Variants in FKBP11 observed in about 807,000 individuals in gnomAD.
The protein encoded by FKBP11 is peptidyl-prolyl cis-trans isomerase FKBP11.
Under a neutral mutation model 24.7 loss-of-function variants are expected in FKBP11, and 21 were observed. The observed-to-expected ratio is 0.85, with a 90% CI of 0.60 to 1.23. The LOEUF is 1.23. Ranked by LOEUF, FKBP11 falls within the 50% of genes most tolerant of loss-of-function variation. The pLI, the probability that FKBP11 is intolerant of heterozygous loss-of-function variation, is 0.00. For missense variants in FKBP11, 245 were observed against 248.7 expected, an observed-to-expected ratio of 0.99 and a Z score of 0.10; for synonymous variants, 106 against 100.6, an observed-to-expected ratio of 1.05 and a Z score of -0.32.
At chr12:48,922,693 G>A in intron 5 of FKBP11, 2 of 994,030 alleles carry the variant, frequency 2.0e-6, no homozygotes, top group Non-Finnish European at 2.4e-6. Context: ...TGAGGATGCT[G>A]CTTAAGAAGT....
upstream of FKBP11, among the ~76,000 whole-genome samples, chr12:48,930,309 A>C (rs1208620897): frequency 6.6e-6 from 1 of 152,250 alleles, no homozygotes; most frequent in Non-Finnish European, 1.5e-5. Flanking sequence ...ATGTGTCAGC[A>C]CATACATTTA....
the FKBP11 span, chr12:48,938,123 T>C: frequency 1.0e-4 from 33 of 321,746 alleles, no homozygotes; most frequent in Non-Finnish European, 1.8e-4. Context: ...TTCCCAACAG[T>C]AAGGCAGAGC....
the FKBP11 span, chr12:48,936,048 G>C: frequency 6.6e-6 from 1 of 152,218 alleles, no homozygotes; most frequent in Non-Finnish European, 1.5e-5. Context: ...GTGGCACTAA[G>C]TTCCTCCATA....
chr12:48,927,325 A>G (rs1939990786), upstream of FKBP11, among the ~76,000 whole-genome samples: 1 of 151,728 alleles, frequency 6.6e-6, no homozygotes. Flanking sequence ...AGAAGCCTTC[A>G]TTATCTCTCA....
upstream of FKBP11, among the ~76,000 whole-genome samples, chr12:48,929,947 C>A (rs1940026905): frequency 6.6e-6 from 1 of 152,200 alleles, no homozygotes; most frequent in Admixed American, 6.5e-5. Flanking sequence ...TCCAGGCATA[C>A]ACTTGTGGAC....
chr12:48,925,529 C>T (rs973192520), upstream of FKBP11: 12 of 1,390,590 alleles, frequency 8.6e-6, no homozygotes, highest in Non-Finnish European at 1.1e-5. Flanking sequence ...CTGGACGGGA[C>T]GGGGCGGGTC....
chr12:48,931,454 A>C, upstream of FKBP11: 2 of 1,536,078 alleles, frequency 1.3e-6, no homozygotes, highest in Non-Finnish European at 8.7e-7. Context: ...CCAGAGAAGG[A>C]GCTTTTTCCT....
chr12:48,938,975 A>G, the FKBP11 span: 1 of 1,612,668 alleles, frequency 6.2e-7, no homozygotes, highest in South Asian at 1.1e-5. Flanking sequence ...CTGATTGGCC[A>G]GCCAGTCCAG....
intron 5 of FKBP11, 135 bp from the exon 6 acceptor site, chr12:48,922,336 G>T: frequency 1.2e-6 from 1 of 852,988 alleles, no homozygotes; most frequent in Non-Finnish European, 1.7e-6. Flanking sequence ...ATGTGGGCTT[G>T]AATTCCTTTA....
chr12:48,928,450 G>A (rs549476961), upstream of FKBP11, among the ~76,000 whole-genome samples: 91 of 151,494 alleles, frequency 6.0e-4, no homozygotes, highest in African/African-American at 2.1e-3. Flanking sequence ...GTTCAAGCGA[G>A]CATATCTGGC....
At chr12:48,935,933 C>G in the FKBP11 span, 4 of 152,202 alleles carry the variant, frequency 2.6e-5, no homozygotes, top group Non-Finnish European at 5.9e-5. Context: ...GGTTTAAACC[C>G]TTTAGAACTA....
the FKBP11 span, among the ~76,000 whole-genome samples, chr12:48,932,057 A>T: frequency 0.33 from 49,036 of 150,078 alleles, 9,010 homozygotes; most frequent in Admixed American, 0.47. Context: ...ATGCCTGTAA[A>T]TCCAGCACTT....
the FKBP11 span, among the ~76,000 whole-genome samples, chr12:48,935,561 C>T: frequency 2.0e-5 from 3 of 152,078 alleles, no homozygotes; most frequent in African/African-American, 7.2e-5. Flanking sequence ...GGTGGGAGTG[C>T]GATGGGAGGA....
rs1354481304 is a variant in FKBP11, at chr12:48,924,626, A to G, written c.218T>C (p.Ile73Thr). Reference protein sequence around the residue: ...HYTGSLVDGRIIDTSLTRDPL... With the variant: ...HYTGSLVDGRTIDTSLTRDPL... ...GTCTCTGGTCAGGGAGGTGTCAATA[A>G]TACGTCCATCTACCAAGCTTCCCTG... Residue 73 changes from isoleucine (I) to threonine (T), a missense_variant, in exon 3 of 6, where the codon ATT becomes ACT. Coordinates refer to ENST00000550765, the MANE Select transcript of FKBP11 (RefSeq NM_016594.3). 1.9e-6 allele frequency: 3 copies of G among 1,613,918 alleles called. No homozygotes were observed. The African/African-American group carries it at 4.0e-5, about 22-fold the overall frequency.
chr12:48,938,835 G>C, the FKBP11 span: 1 of 1,398,170 alleles, frequency 7.2e-7, no homozygotes, highest in South Asian at 1.4e-5. Context: ...ATGTGGACAT[G>C]ATACCCAGGG....
At chr12:48,935,663 G>C in the FKBP11 span, 3 of 152,226 alleles carry the variant, frequency 2.0e-5, no homozygotes, top group African/African-American at 7.2e-5. Flanking sequence ...CCACACGCCT[G>C]AAGTAGAGCT....
the FKBP11 span, among the ~76,000 whole-genome samples, chr12:48,932,249 ATATATATATATATTTTTTT>A: frequency 2.7e-5 from 1 of 36,916 alleles, no homozygotes; most frequent in African/African-American, 1.1e-4. Flanking sequence ...ATATATATAT[ATATATATATATATTTTTTT>A]TTTTTTTTTT....
At chr12:48,931,439 A>G (rs1385008443), upstream of FKBP11, 2 of 1,536,018 alleles carry the variant, frequency 1.3e-6, no homozygotes, top group Non-Finnish European at 1.7e-6. Context: ...TGCACCCTGG[A>G]GGGACCAGAG....
At chr12:48,932,521 C>T in the FKBP11 span, among the ~76,000 whole-genome samples, 5 of 151,656 alleles carry the variant, frequency 3.3e-5, no homozygotes, top group Non-Finnish European at 5.9e-5. Context: ...TTACTTCCTC[C>T]ACTCTTCCCC....
Sources: gnomAD v4.1 joint callset for allele counts (sites outside exome capture counted in the v4.1 genomes callset) on GRCh38, gnomAD v4.1.1 for gene constraint, MANE v1.5 for transcripts, NCBI Gene and HGNC (gene_info 2026-07-23, HGNC 2026-07-21) for gene names.